The following CNTN3 variants were observed in gnomAD, a reference collection of about 807,000 sequenced individuals.
The protein encoded by CNTN3 is contactin-3.
CNTN3 carries 60 observed loss-of-function variants against 119.1 expected under a neutral mutation model. That is an observed-to-expected ratio of 0.50 (90% CI 0.41 to 0.62). CNTN3 has a LOEUF of 0.62. Ranked by LOEUF, CNTN3 falls within the 20% of genes least tolerant of loss-of-function variation. The pLI, the probability that CNTN3 is intolerant of heterozygous loss-of-function variation, is 0.00. For synonymous variants in CNTN3, 450 were observed against 438.7 expected, an observed-to-expected ratio of 1.03 and a Z score of -0.32; for missense variants, 1,101 against 1,242.4, an observed-to-expected ratio of 0.89 and a Z score of 1.71.
chr3:74,283,156 G>A (rs1187036937), intron 20 of CNTN3, among the ~76,000 whole-genome samples: 2 of 152,110 alleles, frequency 1.3e-5, no homozygotes, highest in East Asian at 3.9e-4. Flanking sequence ...CAATATGGCT[G>A]AAAGAGAGGA....
chr3:74,393,255 G>T (rs1192794749), intron 5 of CNTN3, among the ~76,000 whole-genome samples: 1 of 152,204 alleles, frequency 6.6e-6, no homozygotes, highest in East Asian at 1.9e-4. Context: ...AGGAGCAGGA[G>T]GTCTGTGTCT....
Position 74,369,992 on chromosome 3 carries a change from C to T in CNTN3, c.659-1G>A. The T allele has an allele frequency of 6.7e-7, 1 of 1,487,208 alleles. No homozygotes were observed. The highest frequency in any genetic ancestry group is 9.3e-7 in the Non-Finnish European group (1 of 1,070,116). The allele number at this position is 1,487,208 out of a possible 1,614,324, so 92.1% of individuals were successfully genotyped here. A position where few individuals can be genotyped will look rare whatever the true frequency, so the allele number is the denominator to read the frequency against. ...TTAGGTTCATATTCACCCATCACACCTATAAATCCACAATATAAAGTTAAT... is the reference window on the plus strand; with the variant it reads ...TTAGGTTCATATTCACCCATCACACTTATAAATCCACAATATAAAGTTAAT... On this transcript the variant is annotated splice_acceptor_variant, in intron 6 of 22. Coordinates refer to ENST00000263665, the MANE Select transcript of CNTN3 (RefSeq NM_020872.3). LOFTEE classifies it high-confidence loss of function.
chr3:74,361,774 G>C (rs1049987041), intron 11 of CNTN3, 116 bp downstream of exon 11: 3 of 1,063,200 alleles, frequency 2.8e-6, no homozygotes, highest in Admixed American at 6.1e-5. Flanking sequence ...AGTTCTTAAA[G>C]ATCTCACATG....
chr3:74,374,408 T>C (rs1386386718), intron 5 of CNTN3, among the ~76,000 whole-genome samples: 1 of 152,062 alleles, frequency 6.6e-6, no homozygotes, highest in East Asian at 1.9e-4. Flanking sequence ...TAACAGACTC[T>C]CCTCTGTATT....
chr3:74,364,333 A>C, intron 10 of CNTN3, 134 bp downstream of exon 10: 1 of 804,338 alleles, frequency 1.2e-6, no homozygotes, highest in South Asian at 2.2e-5. Flanking sequence ...TTAGAAACTG[A>C]ATGATCGTGT....
intron 1 of CNTN3, among the ~76,000 whole-genome samples, chr3:74,544,941 C>T (rs1011618318): frequency 7.2e-5 from 11 of 152,262 alleles, no homozygotes; most frequent in South Asian, 2.1e-4. Flanking sequence ...ATGGAAAAAT[C>T]TTGATAACAA....
At chr3:74,320,079 C>A (rs887794569) in intron 13 of CNTN3, among the ~76,000 whole-genome samples, 25 of 152,208 alleles carry the variant, frequency 1.6e-4, no homozygotes, top group Middle Eastern at 3.4e-3. Context: ...GGGACTGTAA[C>A]CTAGTTCAAC....
chr3:74,319,186 A>C, intron 13 of CNTN3, among the ~76,000 whole-genome samples: 1 of 152,156 alleles, frequency 6.6e-6, no homozygotes, highest in Non-Finnish European at 1.5e-5. Context: ...ATATGGAACC[A>C]AAAAAGAGCC....
rs1208711806 is a variant in CNTN3 at position 74,339,922 on chromosome 3, GATAGATAGAT to G, written c.1365-3274_1365-3265del. 3.3e-5 allele frequency among the ~76,000 whole-genome samples: 5 copies of G among 151,834 alleles called. No homozygotes were observed. In the East Asian group the frequency reaches 9.7e-4, roughly 29 times the overall value. Reference sequence around the variant, plus strand: ...AGATAGATAGATAGATAGATAGATAGATAGATAGATAGATAGATAGCCAGCCCTCCATATC... The same window carrying G: ...AGATAGATAGATAGATAGATAGATAGAGATAGATAGCCAGCCCTCCATATC... On this transcript the variant is annotated intron_variant, in intron 11 of 22. Transcript: ENST00000263665.
chr3:74,583,256 C>T (rs1704543379), intron 1 of CNTN3, among the ~76,000 whole-genome samples: 1 of 151,922 alleles, frequency 6.6e-6, no homozygotes, highest in African/African-American at 2.4e-5. Flanking sequence ...TAAAGAAACA[C>T]ACAAGCTAAG....
chr3:74,413,680 G>A (rs1701473875), intron 5 of CNTN3, among the ~76,000 whole-genome samples: 1 of 152,164 alleles, frequency 6.6e-6, no homozygotes, highest in African/African-American at 2.4e-5. Flanking sequence ...AGACCTGTGG[G>A]AATAGGGAAA....
At chr3:74,435,703 A>C (rs572952796) in intron 4 of CNTN3, among the ~76,000 whole-genome samples, 1 of 152,318 alleles carries the variant, frequency 6.6e-6, no homozygotes, top group African/African-American at 2.4e-5. Context: ...CAAAATTTCT[A>C]TTTTAAAAGT....
intron 13 of CNTN3, among the ~76,000 whole-genome samples, chr3:74,315,504 T>A (rs770161227): frequency 1.3e-5 from 2 of 152,136 alleles, no homozygotes; most frequent in African/African-American, 2.4e-5. Flanking sequence ...CTCAAGCTCA[T>A]ATGGAATGTT....
intron 5 of CNTN3, among the ~76,000 whole-genome samples, chr3:74,414,342 A>C (rs1053112431): frequency 2.0e-5 from 3 of 152,346 alleles, no homozygotes; most frequent in African/African-American, 7.2e-5. Flanking sequence ...TCTGTTTTAG[A>C]GTTTAAAATG....
At position 74,369,882 on chromosome 3, in the gene CNTN3, A is replaced by C; in HGVS notation, c.761+7T>G. On this transcript the variant is annotated splice_region_variant and intron_variant, in intron 7 of 22. Transcript: ENST00000263665. The stretch of plus-strand genomic sequence containing the variant: ...CAGCACATAGGAGTAAATGTTATAA[A>C]ACTTACTTTCCAAGGGCAAAACATT... 6.5e-7 allele frequency: 1 copy of C among 1,534,286 alleles called. No homozygotes were observed. Among genetic ancestry groups the C allele is most frequent in the Non-Finnish European group, 9.0e-7 (1 of 1,110,302 alleles).
chr3:74,400,419 A>G (rs1279907563), intron 5 of CNTN3, among the ~76,000 whole-genome samples: 1 of 152,192 alleles, frequency 6.6e-6, no homozygotes, highest in Non-Finnish European at 1.5e-5. Flanking sequence ...TACTCTTTCA[A>G]TTAGAATCTC....
At chr3:74,457,791 G>A (rs1559613140) in intron 4 of CNTN3, among the ~76,000 whole-genome samples, 1 of 151,816 alleles carries the variant, frequency 6.6e-6, no homozygotes, top group Non-Finnish European at 1.5e-5. Flanking sequence ...ATTAATACAG[G>A]ACAACAAACA....
At chr3:74,339,722 T>C (rs1218629112) in intron 11 of CNTN3, among the ~76,000 whole-genome samples, 1 of 152,022 alleles carries the variant, frequency 6.6e-6, no homozygotes, top group Non-Finnish European at 1.5e-5. Flanking sequence ...AAATAAAACT[T>C]GTTGAATGAG....
chr3:74,483,012 A>AT (rs1405933836), intron 4 of CNTN3, among the ~76,000 whole-genome samples: 2 of 152,136 alleles, frequency 1.3e-5, no homozygotes, highest in African/African-American at 4.8e-5. Context: ...ATTAAACAAC[A>AT]TTTTTTATCT....
Sources: allele counts gnomAD v4.1 joint callset (sites outside exome capture counted in the v4.1 genomes callset), GRCh38; gene constraint gnomAD v4.1.1; transcripts MANE v1.5; gene names NCBI Gene and HGNC (gene_info 2026-07-23, HGNC 2026-07-21).